MS4A6A: variants seen among roughly 807,000 people sequenced by gnomAD.
MS4A6A encodes the protein membrane spanning 4-domains A6A, also known as membrane-spanning 4-domains subfamily A member 6A.
MS4A6A carries 19 observed loss-of-function variants against 20.6 expected under a neutral mutation model. The observed-to-expected ratio is 0.92, with a 90% CI of 0.64 to 1.36. The LOEUF (loss-of-function observed/expected upper bound fraction) is 1.36, where lower values mean the gene tolerates loss of function less well. Ranked by LOEUF, MS4A6A falls within the 40% of genes most tolerant of loss-of-function variation. The probability of loss-of-function intolerance (pLI) is 0.00; values close to 1 mark genes in which losing one functional copy is unlikely to be tolerated. For synonymous variants in MS4A6A, 108 were observed against 105.0 expected, an observed-to-expected ratio of 1.03 and a Z score of -0.17; for missense variants, 272 against 261.1, an observed-to-expected ratio of 1.04 and a Z score of -0.29.
chr11:60,179,728 C>T (rs543449921), intron 3 of MS4A6A, 103 bp downstream of exon 3: 7 of 1,358,676 alleles, frequency 5.2e-6, no homozygotes, highest in African/African-American at 2.9e-5. Flanking sequence ...ACTCCTTGCT[C>T]CTGGCAGATC....
In MS4A6A at chr11:60,175,589, C is replaced by A. The variant is rs1856795640; in HGVS notation, c.362G>T (p.Ser121Ile). The part of the protein sequence containing the change: ...KLLVHSSLVG[S>I]ILSALSALVG... Reference sequence around the variant, plus strand: ...CAGGGCAGACAGAGCACTCAGAATGCTTCCAACCAGGCTGCTATGCACCTG... The same window carrying A: ...CAGGGCAGACAGAGCACTCAGAATGATTCCAACCAGGCTGCTATGCACCTG... The change falls in exon 5 of 6, where the codon AGC becomes ATC. Residue 121 changes from serine to isoleucine, a missense_variant. Physicochemically the swap from Ser to Ile is moderately radical, Grantham distance 142 (BLOSUM62 -2). Transcript: ENST00000528851. 6.2e-7 allele frequency: 1 copy of A among 1,613,498 alleles called. No homozygotes were observed. The highest frequency in any genetic ancestry group is 1.3e-5 in the African/African-American group (1 of 74,902).
chr11:60,180,969 C>T, intron 2 of MS4A6A: 1 of 437,950 alleles, frequency 2.3e-6, no homozygotes, highest in Admixed American at 2.6e-5. Context: ...AAACAGAGTG[C>T]CTCACCTCAG....
chr11:60,183,311 T>C, upstream of MS4A6A: 2 of 784,026 alleles, frequency 2.6e-6, no homozygotes. Flanking sequence ...AAGTCTGTTC[T>C]TGAAGCTTCA....
At chr11:60,179,225 G>A (rs1857001498) in intron 3 of MS4A6A, among the ~76,000 whole-genome samples, 1 of 152,146 alleles carries the variant, frequency 6.6e-6, no homozygotes, top group Admixed American at 6.5e-5. Context: ...CTATGAGAAA[G>A]CCCCCATCTT....
Position 60,183,063 on chromosome 11 carries a change from T to C in MS4A6A, c.-100A>G. The C allele has an allele frequency of 6.7e-7, 1 of 1,498,358 alleles. No homozygotes were observed. Among genetic ancestry groups the C allele is most frequent in the Non-Finnish European group, 8.8e-7 (1 of 1,131,568 alleles). 92.8% of individuals were successfully genotyped at this position (1,498,358 alleles called of 1,614,324 possible). A position where few individuals can be genotyped will look rare whatever the true frequency, so the allele number is the denominator to read the frequency against. ...CTCAGTCCCATCAACGGTTTCTACT[T>C]ACCTTCATCTTCTGAAAGTCATCAG... On this transcript the variant is annotated 5_prime_UTR_variant, in exon 1 of 6. Coordinates refer to ENST00000528851, the MANE Select transcript of MS4A6A (RefSeq NM_022349.4).
downstream of MS4A6A, among the ~76,000 whole-genome samples, chr11:60,171,649 C>A (rs1033636490): frequency 6.6e-6 from 1 of 152,136 alleles, no homozygotes; most frequent in African/African-American, 2.4e-5. Context: ...CTTTCATATA[C>A]CCTGAGACTT....
At chr11:60,175,734 T>C in intron 4 of MS4A6A, 123 bp from the exon 5 acceptor site, 1 of 975,470 alleles carries the variant, frequency 1.0e-6, no homozygotes, top group Non-Finnish European at 1.5e-6. Context: ...ATTGATCATT[T>C]ATTGCTGTAT....
chr11:60,174,853 G>A (rs946373025), intron 5 of MS4A6A, among the ~76,000 whole-genome samples: 1 of 150,960 alleles, frequency 6.6e-6, no homozygotes, highest in African/African-American at 2.4e-5. Flanking sequence ...ATAACAAAAA[G>A]CAACAATAAT....
Position 60,174,907 on chromosome 11 carries a change from TAGA to T in MS4A6A, c.549+492_549+494del, listed in dbSNP as rs555729423. 1.6e-3 allele frequency among the ~76,000 whole-genome samples: 241 copies of T among 151,548 alleles called. 3 individuals are homozygous for T. Among genetic ancestry groups the T allele is most frequent in the Admixed American group, 0.01 (154 of 14,926 alleles). ...CAGTATTATTCATTATTGTGATCAT[TAGA>T]AGAAGAAGCCCTTATCTTCTCATCC... is the stretch of plus-strand genomic sequence containing the variant. On this transcript the variant is annotated intron_variant, in intron 5 of 5. Coordinates refer to ENST00000528851, the MANE Select transcript of MS4A6A (RefSeq NM_022349.4).
intron 2 of MS4A6A, 62 bp from the exon 3 acceptor site, chr11:60,180,027 T>G: frequency 6.5e-7 from 1 of 1,547,178 alleles, no homozygotes; most frequent in Non-Finnish European, 8.8e-7. Flanking sequence ...AGGGCCTTTT[T>G]GCCGCTCCCA....
At chr11:60,175,709 C>T (rs575441999) in intron 4 of MS4A6A, 98 bp from the exon 5 acceptor site, 2 of 1,276,930 alleles carry the variant, frequency 1.6e-6, no homozygotes, top group Admixed American at 2.0e-5. Flanking sequence ...TATCTGTCCC[C>T]TCAGGAGGTC....
At chr11:60,184,577 T>C (rs2083872555), upstream of MS4A6A, 1 of 152,288 alleles carries the variant, frequency 6.6e-6, no homozygotes, top group Admixed American at 6.5e-5. Context: ...AGTTTTCCTC[T>C]CTGTGCTATT....
At chr11:60,178,153 C>G (rs182291030) in intron 4 of MS4A6A, 107 bp downstream of exon 4, 1 of 1,020,402 alleles carries the variant, frequency 9.8e-7, no homozygotes. Context: ...ACCAACTGCT[C>G]TGGAACTGAG....
At chr11:60,177,115 C>A (rs111712944) in intron 4 of MS4A6A, 1 of 152,176 alleles carries the variant, frequency 6.6e-6, no homozygotes, top group African/African-American at 2.4e-5. Context: ...AGCTGTAGTG[C>A]ATTTCCATCA....
intron 5 of MS4A6A, among the ~76,000 whole-genome samples, chr11:60,174,027 G>A (rs184388089): frequency 1.2e-4 from 18 of 152,190 alleles, no homozygotes; most frequent in Admixed American, 2.6e-4. Context: ...ATGTAAAATC[G>A]TCCCATCATG....
chr11:60,181,135 A>T, intron 2 of MS4A6A: 1 of 434,688 alleles, frequency 2.3e-6, no homozygotes, highest in South Asian at 1.6e-5. Flanking sequence ...GGTGAATATC[A>T]TTTCCATTCT....
chr11:60,178,156 G>A (rs1363986876), intron 4 of MS4A6A, 104 bp downstream of exon 4: 2 of 1,042,736 alleles, frequency 1.9e-6, no homozygotes, highest in East Asian at 2.4e-5. Context: ...AACTGCTCTG[G>A]AACTGAGTTT....
Position 60,178,770 on chromosome 11 carries a change from G to A in MS4A6A, c.283-454C>T, listed in dbSNP as rs192357734. 330 of 433,816 alleles carry A rather than the reference G, an allele frequency of 7.6e-4. 4 individuals carry two copies. The highest frequency in any genetic ancestry group is 6.2e-3 in the African/African-American group (300 of 48,666). The allele number at this position is 433,816 out of a possible 1,614,324, so 26.9% of individuals were successfully genotyped here. ...ATGTTGGTAGCATGACCCTTGATACGACTTGATGAAAATGGTGCTTTACCT... is the reference window on the plus strand; with the variant it reads ...ATGTTGGTAGCATGACCCTTGATACAACTTGATGAAAATGGTGCTTTACCT... On this transcript the variant is annotated intron_variant, in intron 3 of 5. Transcript: ENST00000528851.
chr11:60,181,483 G>A lies in MS4A6A; in HGVS notation c.147+98C>T, dbSNP rs574728830. 1.1e-5 allele frequency: 17 copies of A among 1,478,850 alleles called. No homozygotes were observed. The East Asian group carries it at 3.4e-4, about 30-fold the overall frequency. The allele number at this position is 1,478,850 out of a possible 1,614,324, so 91.6% of individuals were successfully genotyped here. ...CTAAAGTCCCTCTAGCAAAATTTTA[G>A]GGTCTCCACACTCACGACAGATGTC... is the stretch of plus-strand genomic sequence containing the variant. On this transcript the variant is annotated intron_variant, in intron 2 of 5. Coordinates refer to ENST00000528851, the MANE Select transcript of MS4A6A (RefSeq NM_022349.4).
Sources: allele counts gnomAD v4.1 joint callset (sites outside exome capture counted in the v4.1 genomes callset), GRCh38; gene constraint gnomAD v4.1.1; transcripts MANE v1.5; gene names NCBI Gene and HGNC (gene_info 2026-07-23, HGNC 2026-07-21).